Variants in SRPK2 observed in about 807,000 individuals in gnomAD.
SRPK2 encodes the protein SFRS protein kinase 2.
Under a neutral mutation model 90.8 loss-of-function variants are expected in SRPK2, and 21 were observed. The ratio of observed to expected loss-of-function variants is 0.23; its 90% CI spans 0.16 to 0.33. The LOEUF is 0.33. SRPK2 is among the 10% of genes least tolerant of loss of function. The probability of loss-of-function intolerance (pLI) is 1.00; values close to 1 mark genes in which losing one functional copy is unlikely to be tolerated. For missense variants in SRPK2, 620 were observed against 869.0 expected, an observed-to-expected ratio of 0.71 and a Z score of 3.60; for synonymous variants, 288 against 311.1, an observed-to-expected ratio of 0.93 and a Z score of 0.78.
chr7:105,147,315 T>C (rs1324764207), intron 7 of SRPK2, among the ~76,000 whole-genome samples: 1 of 152,116 alleles, frequency 6.6e-6, no homozygotes, highest in African/African-American at 2.4e-5. Flanking sequence ...ATTTTTTAAA[T>C]TTTTTATGTA....
At chr7:105,327,918 A>G (rs1190306933) in intron 2 of SRPK2, among the ~76,000 whole-genome samples, 2 of 152,178 alleles carry the variant, frequency 1.3e-5, no homozygotes, top group African/African-American at 2.4e-5. Context: ...CTCCTGCCTC[A>G]GCCTCCCGAG....
At chr7:105,308,052 T>TATTAGTA in intron 2 of SRPK2, among the ~76,000 whole-genome samples, 1 of 152,230 alleles carries the variant, frequency 6.6e-6, no homozygotes, top group Non-Finnish European at 1.5e-5. Flanking sequence ...TATTAACTGA[T>TATTAGTA]AGCTTTACTA....
intron 2 of SRPK2, among the ~76,000 whole-genome samples, chr7:105,363,321 A>C (rs771508341): frequency 2.6e-5 from 4 of 152,188 alleles, no homozygotes; most frequent in Non-Finnish European, 5.9e-5. Flanking sequence ...GAACTTAAAC[A>C]AATTTACAAG....
intron 2 of SRPK2, among the ~76,000 whole-genome samples, chr7:105,284,119 C>A (rs1807713592): frequency 6.6e-6 from 1 of 152,090 alleles, no homozygotes; most frequent in Non-Finnish European, 1.5e-5. Context: ...GTAACTAAGC[C>A]AGGATAAGAA....
chr7:105,124,251 C>G (rs1002517015), intron 15 of SRPK2, among the ~76,000 whole-genome samples: 1 of 152,238 alleles, frequency 6.6e-6, no homozygotes, highest in South Asian at 2.1e-4. Flanking sequence ...TTCACTTGAT[C>G]ATTCAAGGCC....
At chr7:105,261,740 T>C (rs749761144) in intron 2 of SRPK2, among the ~76,000 whole-genome samples, 1 of 152,164 alleles carries the variant, frequency 6.6e-6, no homozygotes. Flanking sequence ...AGCACTTCTA[T>C]ATATAAGATC....
intron 2 of SRPK2, among the ~76,000 whole-genome samples, chr7:105,378,819 C>T (rs1467789111): frequency 6.6e-6 from 1 of 151,162 alleles, no homozygotes; most frequent in Non-Finnish European, 1.5e-5. Flanking sequence ...AATTGAAAAC[C>T]ATAATGAAAT....
intron 2 of SRPK2, among the ~76,000 whole-genome samples, chr7:105,227,179 C>A (rs1798815550): frequency 6.6e-6 from 1 of 152,016 alleles, no homozygotes; most frequent in African/African-American, 2.4e-5. Flanking sequence ...AGACAAAAGA[C>A]ACAATTTTTA....
At chr7:105,247,520 A>G (rs6975980) in intron 2 of SRPK2, among the ~76,000 whole-genome samples, 12,088 of 122,698 alleles carry the variant, frequency 0.099, 1,661 homozygotes, top group African/African-American at 0.34. Flanking sequence ...CAAAAAACAC[A>G]CACACACATA....
At chr7:105,385,468 G>A (rs1232374908) in intron 2 of SRPK2, among the ~76,000 whole-genome samples, 1 of 152,096 alleles carries the variant, frequency 6.6e-6, no homozygotes, top group Non-Finnish European at 1.5e-5. Context: ...GAGCCACCGC[G>A]CCCGGACAGC....
intron 3 of SRPK2, among the ~76,000 whole-genome samples, chr7:105,176,728 T>C (rs1240709950): frequency 1.6e-5 from 1 of 64,148 alleles, no homozygotes. Flanking sequence ...TGTGTGTGTA[T>C]GTATGTATGT....
intron 6 of SRPK2, among the ~76,000 whole-genome samples, chr7:105,167,029 C>T (rs1377103671): frequency 3.3e-5 from 5 of 152,186 alleles, no homozygotes; most frequent in African/African-American, 1.2e-4. Context: ...TGTCCTTATG[C>T]ACTGGTTTTA....
intron 7 of SRPK2, among the ~76,000 whole-genome samples, chr7:105,158,255 CT>C (rs536737479): frequency 0.021 from 3,002 of 144,422 alleles, 74 homozygotes; most frequent in East Asian, 0.065. Flanking sequence ...GTGAATTCAC[CT>C]TTTTTTTTTT....
intron 2 of SRPK2, among the ~76,000 whole-genome samples, chr7:105,345,523 T>G (rs1202698011): frequency 6.6e-6 from 1 of 152,098 alleles, no homozygotes; most frequent in Non-Finnish European, 1.5e-5. Context: ...GAAAAAAAAT[T>G]CATTATAAGG....
At chr7:105,221,863 G>A (rs1203722124) in intron 2 of SRPK2, among the ~76,000 whole-genome samples, 4 of 151,826 alleles carry the variant, frequency 2.6e-5, no homozygotes, top group Non-Finnish European at 5.9e-5. Context: ...TAAATCACAG[G>A]GCTATAAACA....
chr7:105,268,201 T>C (rs1805357247), intron 2 of SRPK2, among the ~76,000 whole-genome samples: 1 of 152,232 alleles, frequency 6.6e-6, no homozygotes, highest in African/African-American at 2.4e-5. Flanking sequence ...TTCTGAGTCA[T>C]TTTGTCCTTA....
chr7:105,196,977 G>C (rs1353732121), intron 3 of SRPK2, among the ~76,000 whole-genome samples: 2 of 152,156 alleles, frequency 1.3e-5, no homozygotes, highest in Non-Finnish European at 2.9e-5. Flanking sequence ...TTGTACCCGG[G>C]AGGTAGAGGC....
At chr7:105,152,975 A>G (rs1251644201) in intron 7 of SRPK2, among the ~76,000 whole-genome samples, 1 of 152,214 alleles carries the variant, frequency 6.6e-6, no homozygotes, top group Non-Finnish European at 1.5e-5. Context: ...CGGAGGTTGC[A>G]GTGAGCCGAG....
intron 11 of SRPK2, among the ~76,000 whole-genome samples, chr7:105,141,414 A>T (rs930210361): frequency 6.6e-6 from 1 of 152,182 alleles, no homozygotes. Context: ...CTCCCAAAAT[A>T]AGGCTTTGAA....
Sources: gnomAD v4.1 joint callset for allele counts (sites outside exome capture counted in the v4.1 genomes callset) on GRCh38, gnomAD v4.1.1 for gene constraint, MANE v1.5 for transcripts, NCBI Gene and HGNC (gene_info 2026-07-23, HGNC 2026-07-21) for gene names.